Variants in SYNPO observed in about 807,000 individuals in gnomAD.
SYNPO encodes the protein synaptopodin.
Under a neutral mutation model 49.5 loss-of-function variants are expected in SYNPO, and 19 were observed. That is an observed-to-expected ratio of 0.38 (90% confidence interval 0.27 to 0.56). The LOEUF is 0.56. SYNPO is among the 20% of genes least tolerant of loss of function. SYNPO has a pLI of 0.68. For synonymous variants in SYNPO, 536 were observed against 548.0 expected, an observed-to-expected ratio of 0.98 and a Z score of 0.31; for missense variants, 1,131 against 1,248.3, an observed-to-expected ratio of 0.91 and a Z score of 1.42.
the SYNPO span, among the ~76,000 whole-genome samples, chr5:150,586,090 G>A: frequency 4.6e-5 from 7 of 152,368 alleles, no homozygotes; most frequent in Admixed American, 1.3e-4. Context: ...GCTGTATGGC[G>A]CAGCTGCAAG....
chr5:150,655,759 C>T (rs983458856), intron 2 of SYNPO, among the ~76,000 whole-genome samples: 2 of 152,206 alleles, frequency 1.3e-5, no homozygotes, highest in Non-Finnish European at 2.9e-5. Flanking sequence ...TTCAAGCGAT[C>T]CTCCTGCCTC....
upstream of SYNPO, among the ~76,000 whole-genome samples, chr5:150,636,367 T>G (rs1757715178): frequency 6.6e-6 from 1 of 152,226 alleles, no homozygotes; most frequent in Non-Finnish European, 1.5e-5. Context: ...AAATCCTTTT[T>G]GCTTCCATTA....
At chr5:150,625,891 A>G (rs115660513) in intron 2 of SYNPO, among the ~76,000 whole-genome samples, 1,552 of 152,290 alleles carry the variant, frequency 0.01, 21 homozygotes, top group African/African-American at 0.036. Context: ...GGCAGGTGGC[A>G]CTGGAATAAA....
intron 2 of SYNPO, among the ~76,000 whole-genome samples, chr5:150,631,903 A>G (rs1757553554): frequency 6.6e-6 from 1 of 151,890 alleles, no homozygotes; most frequent in Non-Finnish European, 1.5e-5. Context: ...GTGAGTTCTT[A>G]TTTCCTTTTA....
chr5:150,650,942 G>A, intron 2 of SYNPO: 1 of 1,257,478 alleles, frequency 8.0e-7, no homozygotes, highest in Non-Finnish European at 1.0e-6. Flanking sequence ...CTCCCCTCCA[G>A]GGTCCTTCTG....
chr5:150,597,636 G>GT (rs1756448059), upstream of SYNPO, among the ~76,000 whole-genome samples: 1 of 151,576 alleles, frequency 6.6e-6, no homozygotes, highest in African/African-American at 2.4e-5. Context: ...GCCCAGCCAG[G>GT]TTTTTCTGGT....
Position 150,633,030 on chromosome 5 carries a change from T to C in SYNPO, c.400+14263T>C, listed in dbSNP as rs141940262. ...CTGGGAAATGACTCATGAAATACCA[T>C]GGTCAGTTAGGACTAGGAAAGAGCT... On this transcript the variant is annotated intron_variant, in intron 2 of 2. Coordinates refer to the SYNPO transcript ENST00000394243. Among the ~76,000 whole-genome samples, 972 of 152,286 alleles carry C rather than the reference T, an allele frequency of 6.4e-3. 6 individuals are homozygous for C. Among genetic ancestry groups the C allele is most frequent in the Non-Finnish European group, 0.01 (688 of 68,026 alleles).
At chr5:150,640,240 G>C (rs1487292519), upstream of SYNPO, 1 of 907,872 alleles carries the variant, frequency 1.1e-6, no homozygotes, top group Non-Finnish European at 1.3e-6. Flanking sequence ...TGGAGGGGGT[G>C]GTGGCATTCT....
intron 1 of SYNPO, among the ~76,000 whole-genome samples, chr5:150,647,002 G>A (rs1199941918): frequency 6.6e-6 from 1 of 152,110 alleles, no homozygotes; most frequent in Non-Finnish European, 1.5e-5. Context: ...CAGCACTTTG[G>A]GAGGCCGAGG....
upstream of SYNPO, among the ~76,000 whole-genome samples, chr5:150,638,045 A>G (rs1481280638): frequency 1.3e-5 from 2 of 150,592 alleles, no homozygotes; most frequent in African/African-American, 2.5e-5. Flanking sequence ...GTGTTCCTCT[A>G]TCAAAGTTTC....
rs1758492323 is a variant in SYNPO at position 150,654,458 on chromosome 5, G to A, written c.2029-1946G>A. 2.0e-5 allele frequency among the ~76,000 whole-genome samples: 3 copies of A among 152,142 alleles called. No individual in the cohort carries two copies. In the South Asian group the frequency reaches 6.2e-4, roughly 31 times the overall value. On this transcript the variant is annotated intron_variant, in intron 2 of 2. Coordinates refer to ENST00000307662, the MANE Select transcript of SYNPO (RefSeq NM_007286.6). ...CATTTTCATCATTTGTAAAATGGGTGTGGTAATGCTAATTACCTCACTAGT... is the reference window on the plus strand; with the variant it reads ...CATTTTCATCATTTGTAAAATGGGTATGGTAATGCTAATTACCTCACTAGT...
Position 150,632,616 on chromosome 5 carries a change from C to G in SYNPO, c.400+13849C>G, listed in dbSNP as rs60364727. The stretch of plus-strand genomic sequence containing the variant: ...CCTGAGAGCTTCTGACAGTTGGCCT[C>G]TAAGGGCCCTTTCGGCTCTGCCCTC... On this transcript the variant is annotated intron_variant, in intron 2 of 2. Coordinates refer to the SYNPO transcript ENST00000394243. 0.015 allele frequency among the ~76,000 whole-genome samples: 2,218 copies of G among 152,266 alleles called. 108 individuals are homozygous for G. The East Asian group carries it at 0.18, about 13-fold the overall frequency.
upstream of SYNPO, among the ~76,000 whole-genome samples, chr5:150,639,844 C>T (rs1757837522): frequency 6.6e-6 from 1 of 152,218 alleles, no homozygotes; most frequent in East Asian, 1.9e-4. Context: ...GAGGCCCCTG[C>T]CCTCGAGGCC....
At chr5:150,655,216 G>C (rs1182905554) in intron 2 of SYNPO, among the ~76,000 whole-genome samples, 1 of 152,196 alleles carries the variant, frequency 6.6e-6, no homozygotes, top group Non-Finnish European at 1.5e-5. Flanking sequence ...TATATAAAAA[G>C]TAATATATTA....
intron 1 of SYNPO, among the ~76,000 whole-genome samples, chr5:150,643,830 G>C (rs1201505137): frequency 6.6e-6 from 1 of 152,120 alleles, no homozygotes; most frequent in African/African-American, 2.4e-5. Flanking sequence ...ACCGCGCCCG[G>C]CTGAGAAGAC....
chr5:150,622,996 A>AGACACACATCCATGCATGGGG (rs1757229420), intron 2 of SYNPO, among the ~76,000 whole-genome samples: 1 of 152,238 alleles, frequency 6.6e-6, no homozygotes. Flanking sequence ...GGAGGCCCTC[A>AGACACACATCCATGCATGGGG]GACACACATC....
chr5:150,588,758 C>G, the SYNPO span, among the ~76,000 whole-genome samples: 5 of 152,034 alleles, frequency 3.3e-5, no homozygotes, highest in Admixed American at 6.5e-5. Flanking sequence ...GGACTTTATC[C>G]TCTGTGGAAT....
chr5:150,598,951 C>T (rs577295593), upstream of SYNPO, among the ~76,000 whole-genome samples: 10 of 152,280 alleles, frequency 6.6e-5, no homozygotes, highest in South Asian at 2.1e-3. Flanking sequence ...CCCCTCTAGC[C>T]CCTCATATGG....
At chr5:150,637,208 TGGGA>T (rs1396585190), upstream of SYNPO, among the ~76,000 whole-genome samples, 1 of 152,020 alleles carries the variant, frequency 6.6e-6, no homozygotes, top group Non-Finnish European at 1.5e-5. Context: ...GGGCTGTCTG[TGGGA>T]GGAGCGGGCA....
Sources: allele counts gnomAD v4.1 joint callset (sites outside exome capture counted in the v4.1 genomes callset), GRCh38; gene constraint gnomAD v4.1.1; transcripts MANE v1.5; gene names NCBI Gene and HGNC (gene_info 2026-07-23, HGNC 2026-07-21).